CD58: variants seen among roughly 807,000 people sequenced by gnomAD.
CD58 encodes the protein CD58 molecule.
In CD58, 14 loss-of-function variants were observed where a neutral mutation model predicts 27.6. The observed-to-expected ratio is 0.51, with a 90% confidence interval of 0.34 to 0.79. The LOEUF (loss-of-function observed/expected upper bound fraction) is 0.79. CD58 is among the 30% of genes least tolerant of loss of function. CD58 has a pLI of 0.02. For synonymous variants in CD58, 117 were observed against 103.8 expected (o/e 1.13, Z -0.77); for missense variants, 268 against 301.7 (o/e 0.89, Z 0.83).
chr1:116,541,950 C>A lies in CD58; in HGVS notation c.364+2361G>T, dbSNP rs529563313. On this transcript the variant is annotated intron_variant, in intron 2 of 5. Coordinates refer to ENST00000369489, the MANE Select transcript of CD58 (RefSeq NM_001779.3). This position sits in a 1 kb window ranked among gnomAD's most constrained non-coding sequence, Gnocchi z 5.3. ...GAGGTTGGGGAAACAAGGAAACTAGCAAAAGAAGCTGAAAAGGAATAGTCA... is the reference window on the plus strand; with the variant it reads ...GAGGTTGGGGAAACAAGGAAACTAGAAAAAGAAGCTGAAAAGGAATAGTCA... 5.8e-4 allele frequency among the ~76,000 whole-genome samples: 89 copies of A among 152,234 alleles called. No homozygotes were observed. Among genetic ancestry groups the A allele is most frequent in the African/African-American group, 2.0e-3 (81 of 41,526 alleles).
intron 1 of CD58, among the ~76,000 whole-genome samples, chr1:116,568,000 C>T (rs1356199187): frequency 1.5e-5 from 2 of 133,374 alleles, no homozygotes; most frequent in African/African-American, 5.8e-5. Context: ...TCCAAAGGGA[C>T]ATTCGGTAAA....
intron 1 of CD58, among the ~76,000 whole-genome samples, chr1:116,548,726 G>T (rs1658280924): frequency 6.6e-6 from 1 of 151,216 alleles, no homozygotes; most frequent in Non-Finnish European, 1.5e-5. Context: ...TTGTTCAAGG[G>T]TCAACTATAA....
intron 4 of CD58, among the ~76,000 whole-genome samples, chr1:116,520,927 T>TTC (rs897642809): frequency 1.3e-5 from 2 of 152,226 alleles, no homozygotes; most frequent in Non-Finnish European, 2.9e-5. Flanking sequence ...AATAGTCTAG[T>TTC]TCTGCACTGA....
chr1:116,549,409 G>A (rs776780899), intron 1 of CD58, among the ~76,000 whole-genome samples: 9 of 152,174 alleles, frequency 5.9e-5, no homozygotes, highest in Non-Finnish European at 1.0e-4. Context: ...GAACAATTAT[G>A]CAGACCTTGA....
intron 2 of CD58, among the ~76,000 whole-genome samples, chr1:116,537,703 A>G (rs1219249966): frequency 6.6e-6 from 1 of 152,240 alleles, no homozygotes; most frequent in Non-Finnish European, 1.5e-5. Context: ...CCTCAAGGCT[A>G]ATTACTTTGT....
At chr1:116,518,879 T>G (rs1657168737) in intron 5 of CD58, 1 of 1,110,298 alleles carries the variant, frequency 9.0e-7, no homozygotes, top group South Asian at 2.4e-5. Context: ...ACTCTTGGAG[T>G]CCAAAGACCT....
At position 116,522,064 on chromosome 1, in the gene CD58, G is replaced by C. The variant is rs557829873; in HGVS notation, c.629-81C>G. ...TCATTATTTGCAGATTCCACCTTGC[G>C]GTTTGCTTATTTACTGAAATTTATT... On this transcript the variant is annotated intron_variant, in intron 3 of 5. Coordinates refer to ENST00000369489, the MANE Select transcript of CD58 (RefSeq NM_001779.3). This position sits in a 1 kb window ranked among gnomAD's most constrained non-coding sequence, Gnocchi z 4.6. 1.4e-6 allele frequency: 1 copy of C among 712,808 alleles called. No homozygotes were observed. Among genetic ancestry groups the C allele is most frequent in the Non-Finnish European group, 2.4e-6 (1 of 421,320 alleles). The allele number at this position is 712,808 out of a possible 1,614,324, so 44.2% of individuals were successfully genotyped here.
intron 1 of CD58, among the ~76,000 whole-genome samples, chr1:116,569,141 C>G (rs1446315912): frequency 6.6e-6 from 1 of 152,198 alleles, no homozygotes; most frequent in Non-Finnish European, 1.5e-5. Context: ...AGCAGTGACC[C>G]AAGGTGCCAG....
rs1285457360 is a variant in CD58, at chr1:116,563,056, A to G, written c.70+7847T>C. On this transcript the variant is annotated intron_variant, in intron 1 of 5. Transcript: ENST00000369489. The surrounding 1 kb of genome is among the most constrained non-coding windows in gnomAD (Gnocchi z 4.1). ...ATCAAAGGCAAGTTAGTTACTTCCTAGATACAATGGGGGTACAGGTGCTGA... is the reference window on the plus strand; with the variant it reads ...ATCAAAGGCAAGTTAGTTACTTCCTGGATACAATGGGGGTACAGGTGCTGA... Among the ~76,000 whole-genome samples the G allele has an allele frequency of 6.6e-6, 1 of 152,238 alleles. No individual in the cohort carries two copies. Among genetic ancestry groups the G allele is most frequent in the African/African-American group, 2.4e-5 (1 of 41,452 alleles).
At position 116,531,931 on chromosome 1, in the gene CD58, C is replaced by T. The variant is rs1657626411; in HGVS notation, c.628+4034G>A. Among the ~76,000 whole-genome samples the T allele has an allele frequency of 6.6e-6, 1 of 152,238 alleles. No homozygotes were observed. Among genetic ancestry groups the T allele is most frequent in the Non-Finnish European group, 1.5e-5 (1 of 68,040 alleles). On this transcript the variant is annotated intron_variant, in intron 3 of 5. Transcript: ENST00000369489. The surrounding 1 kb of genome is among the most constrained non-coding windows in gnomAD (Gnocchi z 4.5). ...CGCTGTCACCCACTTGGAAACCCCA[C>T]TCACCAGCCACCAACCGGTCACACC...
In CD58 at chr1:116,544,544, T is replaced by C. The variant is rs770880899; in HGVS notation, c.131A>G (p.His44Arg). The C allele has an allele frequency of 6.2e-6, 10 of 1,613,610 alleles. No individual in the cohort carries two copies. Among genetic ancestry groups the C allele is most frequent in the Non-Finnish European group, 2.5e-6 (3 of 1,179,632 alleles). Residue 44 changes from histidine (H) to arginine (R), a missense_variant, in exon 2 of 6, where the codon CAT becomes CGT. Coordinates refer to ENST00000369489, the MANE Select transcript of CD58 (RefSeq NM_001779.3). ...TTTTAAAGGCACATTGCTTGGTACA[T>C]GGAAAGTTACATTCCCATACACAAC... ...YGVVYGNVTF[H>R]VPSNVPLKEV...
Position 116,524,030 on chromosome 1 carries a change from G to C in CD58, c.629-2047C>G, listed in dbSNP as rs1657351094. ...GTTCCAATTGTCTTATTTTTGGCCA[G>C]AGGGAACCTCTTCAGAGTGGCTCCT... On this transcript the variant is annotated intron_variant, in intron 3 of 5. Coordinates refer to ENST00000369489, the MANE Select transcript of CD58 (RefSeq NM_001779.3). This position sits in a 1 kb window ranked among gnomAD's most constrained non-coding sequence, Gnocchi z 4.6. 6.6e-6 allele frequency among the ~76,000 whole-genome samples: 1 copy of C among 152,176 alleles called. No individual in the cohort carries two copies. Among genetic ancestry groups the C allele is most frequent in the South Asian group, 2.1e-4 (1 of 4,826 alleles).
In CD58 at chr1:116,541,248, T is replaced by C. The variant is rs1261397325; in HGVS notation, c.364+3063A>G. 6.6e-6 allele frequency among the ~76,000 whole-genome samples: 1 copy of C among 152,244 alleles called. No homozygotes were observed. Among genetic ancestry groups the C allele is most frequent in the East Asian group, 1.9e-4 (1 of 5,204 alleles). ...CTAAATTCTGACTCAATCCTCTTGT[T>C]TGTTGGCCCTATCTATAAATTATCA... On this transcript the variant is annotated intron_variant, in intron 2 of 5. Transcript: ENST00000369489. The surrounding 1 kb of genome is among the most constrained non-coding windows in gnomAD (Gnocchi z 5.3).
rs1008622427 is a variant in CD58, at chr1:116,550,354, C to A, written c.71-5750G>T. On this transcript the variant is annotated intron_variant, in intron 1 of 5. Coordinates refer to ENST00000369489, the MANE Select transcript of CD58 (RefSeq NM_001779.3). The surrounding 1 kb of genome is among the most constrained non-coding windows in gnomAD (Gnocchi z 4.2). Reference sequence around the variant, plus strand: ...AACTAAATTTATGTAATACTCTTAACCCTTTGTTGTCATTTAAACAATGTT... The same window carrying A: ...AACTAAATTTATGTAATACTCTTAAACCTTTGTTGTCATTTAAACAATGTT... 6.6e-6 allele frequency among the ~76,000 whole-genome samples: 1 copy of A among 152,172 alleles called. No homozygotes were observed. Among genetic ancestry groups the A allele is most frequent in the African/African-American group, 2.4e-5 (1 of 41,432 alleles).
intron 1 of CD58, among the ~76,000 whole-genome samples, chr1:116,551,356 C>T (rs1368606316): frequency 5.3e-5 from 8 of 152,250 alleles, no homozygotes; most frequent in Admixed American, 5.2e-4. Context: ...TACATCAACA[C>T]TTGCTGCTTT....
At chr1:116,565,031 T>A (rs1172301030) in intron 1 of CD58, among the ~76,000 whole-genome samples, 1 of 152,134 alleles carries the variant, frequency 6.6e-6, no homozygotes, top group Non-Finnish European at 1.5e-5. Context: ...TCAAAACACA[T>A]CCAGATATCT....
At chr1:116,566,786 G>A (rs1379972019) in intron 1 of CD58, among the ~76,000 whole-genome samples, 1 of 152,114 alleles carries the variant, frequency 6.6e-6, no homozygotes, top group Non-Finnish European at 1.5e-5. Context: ...AAGGGAGGAT[G>A]TGTGTGCAAA....
At chr1:116,535,332 G>A (rs1264780711) in intron 3 of CD58, among the ~76,000 whole-genome samples, 1 of 152,204 alleles carries the variant, frequency 6.6e-6, no homozygotes, top group Non-Finnish European at 1.5e-5. Context: ...GCCAGGTTCT[G>A]CCACTTACTA....
rs1657327404 is a variant in CD58 at position 116,523,343 on chromosome 1, T to C, written c.629-1360A>G. On this transcript the variant is annotated intron_variant, in intron 3 of 5. Transcript: ENST00000369489. The surrounding 1 kb of genome is among the most constrained non-coding windows in gnomAD (Gnocchi z 4.4). ...TGCTAAAGGATTGGGGAGGGGTCACTAAGAACAAATGTGACATGGATATGG... is the reference window on the plus strand; with the variant it reads ...TGCTAAAGGATTGGGGAGGGGTCACCAAGAACAAATGTGACATGGATATGG... Among the ~76,000 whole-genome samples, 1 of 151,608 alleles carries C rather than the reference T, an allele frequency of 6.6e-6. No individual in the cohort carries two copies. The highest frequency in any genetic ancestry group is 1.5e-5 in the Non-Finnish European group (1 of 67,916).
Sources: gnomAD v4.1 joint callset for allele counts (sites outside exome capture counted in the v4.1 genomes callset) on GRCh38, gnomAD v4.1.1 for gene constraint, Gnocchi (gnomAD v3.1) non-coding constraint, MANE v1.5 for transcripts, NCBI Gene and HGNC (gene_info 2026-07-23, HGNC 2026-07-21) for gene names.